Variants in PCDH15 observed in about 807,000 individuals in gnomAD.
The protein encoded by PCDH15 is protocadherin related 15.
PCDH15 carries 129 observed loss-of-function variants against 178.5 expected under a neutral mutation model. That is an observed-to-expected ratio of 0.72 (90% CI 0.63 to 0.84). The LOEUF (loss-of-function observed/expected upper bound fraction) is 0.84, where lower values mean the gene tolerates loss of function less well. Ranked by LOEUF, PCDH15 falls within the 40% of genes least tolerant of loss-of-function variation. PCDH15 has a pLI of 0.00. For missense variants in PCDH15, 2,230 were observed against 2,099.9 expected (o/e 1.06, Z -1.21); for synonymous variants, 800 against 732.0 (o/e 1.09, Z -1.50).
At chr10:55,197,397 T>C (rs766846851) in intron 1 of PCDH15, among the ~76,000 whole-genome samples, 5 of 152,118 alleles carry the variant, frequency 3.3e-5, no homozygotes, top group Non-Finnish European at 7.4e-5. Flanking sequence ...AAATTTTCTA[T>C]TGATTGCTAT....
At chr10:54,247,851 G>A (rs1335029947) in intron 8 of PCDH15, among the ~76,000 whole-genome samples, 1 of 147,474 alleles carries the variant, frequency 6.8e-6, no homozygotes, top group Non-Finnish European at 1.5e-5. Flanking sequence ...CTGGGTGACA[G>A]AGCAAGACTC....
chr10:54,512,943 T>C (rs1177700774), intron 3 of PCDH15, among the ~76,000 whole-genome samples: 1 of 152,066 alleles, frequency 6.6e-6, no homozygotes. Flanking sequence ...AATTAGACAG[T>C]ATTTTTACAC....
At chr10:54,631,129 G>A (rs1337235633) in intron 2 of PCDH15, among the ~76,000 whole-genome samples, 1 of 152,090 alleles carries the variant, frequency 6.6e-6, no homozygotes, top group South Asian at 2.1e-4. Context: ...ATTCCTCATG[G>A]CTTGGTGCTG....
At chr10:54,662,127 T>C (rs1454904268) in intron 2 of PCDH15, among the ~76,000 whole-genome samples, 1 of 151,868 alleles carries the variant, frequency 6.6e-6, no homozygotes, top group Non-Finnish European at 1.5e-5. Context: ...ACCTATAGTA[T>C]GGGAGAAAAT....
At chr10:54,514,756 G>A (rs2137904448) in intron 3 of PCDH15, among the ~76,000 whole-genome samples, 1 of 150,270 alleles carries the variant, frequency 6.7e-6, no homozygotes, top group Non-Finnish European at 1.5e-5. Flanking sequence ...GGTGTTAAAA[G>A]AATATTCAAA....
intron 2 of PCDH15, among the ~76,000 whole-genome samples, chr10:55,366,574 A>G (rs1249721194): frequency 2.0e-5 from 3 of 152,134 alleles, no homozygotes; most frequent in Non-Finnish European, 4.4e-5. Flanking sequence ...AAATTGTAAC[A>G]CTCTTATAAG....
Position 55,038,695 on chromosome 10 carries a change from A to G in PCDH15, c.-80+127881T>C, listed in dbSNP as rs544810245. Among the ~76,000 whole-genome samples, 64 of 152,272 alleles carry G rather than the reference A, an allele frequency of 4.2e-4. 1 individual carries two copies. The East Asian group carries it at 0.012, about 28-fold the overall frequency. On this transcript the variant is annotated intron_variant, in intron 2 of 5. Coordinates refer to the PCDH15 transcript ENST00000458638. ...GGACTCTATAGTAGTAATGATCACC[A>G]CTGTTGAGTGGCATGTCCATCCAAT... is the stretch of plus-strand genomic sequence containing the variant.
chr10:54,049,511 A>G (rs538587023), intron 18 of PCDH15, among the ~76,000 whole-genome samples: 1 of 152,312 alleles, frequency 6.6e-6, no homozygotes, highest in South Asian at 2.1e-4. Context: ...GATCTGCCAT[A>G]GATGGATCTG....
intron 9 of PCDH15, among the ~76,000 whole-genome samples, chr10:54,225,794 A>G (rs1216721580): frequency 6.6e-6 from 1 of 152,230 alleles, no homozygotes; most frequent in Non-Finnish European, 1.5e-5. Flanking sequence ...TACCACTCCT[A>G]TTCAAACTTT....
chr10:55,242,632 A>G (rs1415792888), intron 1 of PCDH15, among the ~76,000 whole-genome samples: 1 of 152,160 alleles, frequency 6.6e-6, no homozygotes. Flanking sequence ...GCTTGAGCCC[A>G]GGAGTTCAAG....
upstream of PCDH15, among the ~76,000 whole-genome samples, chr10:55,320,970 G>T (rs1186049232): frequency 2.6e-5 from 4 of 151,992 alleles, no homozygotes; most frequent in Non-Finnish European, 1.5e-5. Context: ...GCAGAATATG[G>T]ATATTCAATA....
At chr10:54,843,665 A>T (rs1294968327) in intron 3 of PCDH15, among the ~76,000 whole-genome samples, 1 of 152,036 alleles carries the variant, frequency 6.6e-6, no homozygotes, top group East Asian at 1.9e-4. Flanking sequence ...TTTCATTAAG[A>T]TGATTTCATT....
intron 35 of PCDH15, among the ~76,000 whole-genome samples, chr10:53,815,796 G>T (rs909664421): frequency 6.6e-6 from 1 of 151,934 alleles, no homozygotes; most frequent in Non-Finnish European, 1.5e-5. Flanking sequence ...ATAGGCAATT[G>T]GTAATATATG....
chr10:55,201,920 T>G (rs1023735418), intron 1 of PCDH15, among the ~76,000 whole-genome samples: 6 of 152,268 alleles, frequency 3.9e-5, no homozygotes, highest in Non-Finnish European at 8.8e-5. Flanking sequence ...TGCTGCACTT[T>G]CAAAGAATTT....
chr10:55,422,416 T>C (rs1055945985), intron 2 of PCDH15, among the ~76,000 whole-genome samples: 3 of 151,888 alleles, frequency 2.0e-5, no homozygotes, highest in African/African-American at 7.2e-5. Flanking sequence ...AAACCATTCA[T>C]TGATCAACAA....
At position 55,491,673 on chromosome 10, in the gene PCDH15, T is replaced by C. The variant is rs115446851; in HGVS notation, c.-156+135952A>G. ...AATTTGAAGAGCTCCATGTGCAAGA[T>C]TGTTATTTTCAATCTTACACATGGA... On this transcript the variant is annotated intron_variant, in intron 2 of 5. Transcript: ENST00000613346. 4.0e-3 allele frequency among the ~76,000 whole-genome samples: 606 copies of C among 149,924 alleles called. 7 individuals are homozygous for C. The highest frequency in any genetic ancestry group is 0.014 in the African/African-American group (574 of 40,900).
At chr10:54,334,942 A>G (rs1200579670) in intron 6 of PCDH15, among the ~76,000 whole-genome samples, 1 of 151,870 alleles carries the variant, frequency 6.6e-6, no homozygotes, top group African/African-American at 2.4e-5. Flanking sequence ...GTTCACATTG[A>G]ATATAACTGT....
At chr10:54,520,258 C>A (rs1460840945) in intron 3 of PCDH15, among the ~76,000 whole-genome samples, 1 of 152,130 alleles carries the variant, frequency 6.6e-6, no homozygotes, top group Non-Finnish European at 1.5e-5. Flanking sequence ...AAAGAAACTA[C>A]CATCAGAGTG....
intron 1 of PCDH15, among the ~76,000 whole-genome samples, chr10:54,782,090 A>G (rs1345104041): frequency 1.3e-5 from 2 of 152,192 alleles, no homozygotes; most frequent in Non-Finnish European, 2.9e-5. Flanking sequence ...AATAGAATTG[A>G]GAAATCTTTC....
Sources: gnomAD v4.1 joint callset for allele counts (sites outside exome capture counted in the v4.1 genomes callset) on GRCh38, gnomAD v4.1.1 for gene constraint, MANE v1.5 for transcripts, NCBI Gene and HGNC (gene_info 2026-07-23, HGNC 2026-07-21) for gene names.